The following HYDIN variants were observed in gnomAD, a reference collection of about 807,000 sequenced individuals.
HYDIN encodes axonemal central pair apparatus protein HYDIN.
In HYDIN, 132 loss-of-function variants were observed where a neutral mutation model predicts 403.9. The observed-to-expected ratio is 0.33, with a 90% confidence interval of 0.28 to 0.38. The LOEUF is 0.38. Among genes scored for constraint, HYDIN ranks in the 10% least tolerant of loss-of-function variants. The pLI, the probability that HYDIN is intolerant of heterozygous loss-of-function variation, is 1.00. For missense variants in HYDIN, 2,827 were observed against 5,009.5 expected (o/e 0.56, Z 13.15); for synonymous variants, 1,202 against 1,891.7 (o/e 0.64, Z 9.46).
intron 1 of HYDIN, among the ~76,000 whole-genome samples, chr16:71,195,254 TAAA>T (rs1243299947): frequency 7.1e-6 from 1 of 140,236 alleles, no homozygotes; most frequent in African/African-American, 2.6e-5. Flanking sequence ...AAGTTTGGTT[TAAA>T]AAAAAAAAAA....
At chr16:70,946,408 AGG>A (rs1247366240) in intron 41 of HYDIN, among the ~76,000 whole-genome samples, 1 of 151,112 alleles carries the variant, frequency 6.6e-6, no homozygotes, top group Non-Finnish European at 1.5e-5. Context: ...GCCAGACCAA[AGG>A]GCCCATTGGA....
chr16:71,202,406 T>C (rs2088065791), intron 1 of HYDIN, among the ~76,000 whole-genome samples: 3 of 152,212 alleles, frequency 2.0e-5, no homozygotes. Flanking sequence ...ATTCCTTACT[T>C]TGGATGCAAC....
intron 13 of HYDIN, among the ~76,000 whole-genome samples, chr16:71,072,327 T>A (rs1264581430): frequency 6.7e-6 from 1 of 148,898 alleles, no homozygotes; most frequent in Non-Finnish European, 1.5e-5. Context: ...GGGATGTGAG[T>A]CTCTGGAATA....
At chr16:70,949,554 CT>C (rs1365824308) in intron 41 of HYDIN, among the ~76,000 whole-genome samples, 3 of 152,152 alleles carry the variant, frequency 2.0e-5, no homozygotes. Context: ...AATAAATGAG[CT>C]TATGGGCCAC....
intron 46 of HYDIN, among the ~76,000 whole-genome samples, chr16:70,919,171 T>G (rs1467566234): frequency 1.3e-5 from 2 of 151,984 alleles, no homozygotes; most frequent in Non-Finnish European, 2.9e-5. Flanking sequence ...GGATTTAGAA[T>G]GTCTATGAGG....
intron 65 of HYDIN, among the ~76,000 whole-genome samples, chr16:70,871,013 CGAGT>C (rs1350575908): frequency 6.6e-6 from 1 of 151,994 alleles, no homozygotes. Context: ...CCTGGGTGAC[CGAGT>C]GAGACTATCT....
intron 60 of HYDIN, among the ~76,000 whole-genome samples, chr16:70,881,691 C>G (rs909404977): frequency 6.6e-6 from 1 of 152,190 alleles, no homozygotes; most frequent in African/African-American, 2.4e-5. Flanking sequence ...TGTAGTCTCC[C>G]CAACCATACC....
chr16:71,128,607 G>GT (rs2084571005), intron 9 of HYDIN, among the ~76,000 whole-genome samples: 1 of 150,910 alleles, frequency 6.6e-6, no homozygotes, highest in Non-Finnish European at 1.5e-5. Flanking sequence ...TTTGTTTTTT[G>GT]TTTTTTGAGA....
chr16:70,965,805 C>T (rs1263303684), intron 36 of HYDIN, among the ~76,000 whole-genome samples: 1 of 151,330 alleles, frequency 6.6e-6, no homozygotes, highest in Admixed American at 6.6e-5. Context: ...CATGGAAGGG[C>T]AAAATTAAAG....
intron 15 of HYDIN, among the ~76,000 whole-genome samples, 185 bp from the exon 16 acceptor site, chr16:71,065,025 T>C (rs1163734580): frequency 6.6e-6 from 1 of 152,332 alleles, no homozygotes; most frequent in Non-Finnish European, 1.5e-5. Flanking sequence ...GTCACCACTT[T>C]TTAATCAAAA....
At chr16:71,195,898 A>G (rs993893648) in intron 1 of HYDIN, among the ~76,000 whole-genome samples, 22 of 152,230 alleles carry the variant, frequency 1.4e-4, no homozygotes, top group African/African-American at 5.1e-4. Flanking sequence ...GGAAAGTATC[A>G]GGTACTGGAA....
At chr16:70,875,760 C>T (rs1774314) in intron 62 of HYDIN, among the ~76,000 whole-genome samples, 340 of 140,196 alleles carry the variant, frequency 2.4e-3, no homozygotes, top group African/African-American at 0.011. Context: ...AAGCAGAAAT[C>T]CTACCAGATT....
intron 41 of HYDIN, among the ~76,000 whole-genome samples, chr16:70,948,328 A>G (rs530307054): frequency 6.8e-4 from 104 of 152,338 alleles, no homozygotes; most frequent in African/African-American, 2.3e-3. Flanking sequence ...AAAGACTTCA[A>G]TGTTAGTCCT....
intron 85 of HYDIN, among the ~76,000 whole-genome samples, chr16:70,809,070 T>G (rs1260830443): frequency 6.6e-6 from 1 of 152,208 alleles, no homozygotes; most frequent in Non-Finnish European, 1.5e-5. Context: ...GGTTTCTGTT[T>G]TTTAGAATTT....
At chr16:71,114,533 G>A (rs376131913) in intron 10 of HYDIN, among the ~76,000 whole-genome samples, 1 of 151,972 alleles carries the variant, frequency 6.6e-6, no homozygotes, top group Admixed American at 6.5e-5. Context: ...TAGAAACCAA[G>A]CTTTGGGTGA....
Position 70,834,180 on chromosome 16 carries a change from C to T in HYDIN, c.13402-16G>A. 1.2e-6 allele frequency: 2 copies of T among 1,613,106 alleles called. No individual in the cohort carries two copies. Among genetic ancestry groups the T allele is most frequent in the Admixed American group, 1.7e-5 (1 of 59,956 alleles). ...GGGTAAGGACCTGAATGAAATAGCACCCAGAGTCAGCAGCTGAGGGTGGGA... is the reference window on the plus strand; with the variant it reads ...GGGTAAGGACCTGAATGAAATAGCATCCAGAGTCAGCAGCTGAGGGTGGGA... On this transcript the variant is annotated splice_polypyrimidine_tract_variant and intron_variant, in intron 78 of 85. Coordinates refer to ENST00000393567, the MANE Select transcript of HYDIN (RefSeq NM_001270974.2).
At chr16:71,129,577 T>A in intron 9 of HYDIN, 63 bp downstream of exon 9, 1 of 1,471,120 alleles carries the variant, frequency 6.8e-7, no homozygotes, top group African/African-American at 1.4e-5. Flanking sequence ...AGCGCTCTTA[T>A]CAAAGCAAGC....
intron 5 of HYDIN, among the ~76,000 whole-genome samples, chr16:71,167,270 C>G (rs2086271412): frequency 6.6e-6 from 1 of 151,426 alleles, no homozygotes; most frequent in Non-Finnish European, 1.5e-5. Flanking sequence ...AACAATGCAA[C>G]AGCCTAGTCT....
intron 29 of HYDIN, among the ~76,000 whole-genome samples, chr16:70,979,422 C>G (rs550244402): frequency 6.6e-6 from 1 of 152,078 alleles, no homozygotes; most frequent in Non-Finnish European, 1.5e-5. Context: ...CAAACCCAGA[C>G]AGCCGGTCAC....
Sources: gnomAD v4.1 joint callset for allele counts (sites outside exome capture counted in the v4.1 genomes callset) on GRCh38, gnomAD v4.1.1 for gene constraint, MANE v1.5 for transcripts, NCBI Gene and HGNC (gene_info 2026-07-23, HGNC 2026-07-21) for gene names.